SCAND3: variants seen among roughly 807,000 people sequenced by gnomAD.
SCAND3 encodes SCAN domain containing 3.
chr6:28,595,229 C>G, the SCAND3 span, among the ~76,000 whole-genome samples: 2 of 131,244 alleles, frequency 1.5e-5, no homozygotes, highest in Non-Finnish European at 3.1e-5. Context: ...AAAAAGCAGT[C>G]CCAGCCACTA....
At chr6:28,607,330 C>T in the SCAND3 span, among the ~76,000 whole-genome samples, 1 of 152,140 alleles carries the variant, frequency 6.6e-6, no homozygotes, top group Admixed American at 6.5e-5. Flanking sequence ...CAATTTTCTG[C>T]TTGTCTGTAC....
At chr6:28,589,000 G>T in the SCAND3 span, among the ~76,000 whole-genome samples, 2 of 152,184 alleles carry the variant, frequency 1.3e-5, no homozygotes, top group African/African-American at 2.4e-5. This position sits in a 1 kb window ranked among gnomAD's most constrained non-coding sequence, Gnocchi z 4.1. Context: ...AATTAGTTAA[G>T]ACAGCTTCCT....
chr6:28,613,386 C>T, the SCAND3 span, among the ~76,000 whole-genome samples: 1 of 152,166 alleles, frequency 6.6e-6, no homozygotes, highest in Non-Finnish European at 1.5e-5. Context: ...TTAAATACAT[C>T]AAGCACTTCT....
At chr6:28,611,625 C>T in the SCAND3 span, among the ~76,000 whole-genome samples, 2 of 152,250 alleles carry the variant, frequency 1.3e-5, no homozygotes, top group Non-Finnish European at 2.9e-5. Context: ...CCTCTACATA[C>T]TTCTTCCCCA....
At chr6:28,575,815 T>A in the SCAND3 span, 1 of 1,613,926 alleles carries the variant, frequency 6.2e-7, no homozygotes, top group Admixed American at 1.7e-5. The surrounding 1 kb of genome is among the most constrained non-coding windows in gnomAD (Gnocchi z 4.2). Context: ...ATACCGTATT[T>A]TATCTGTTTC....
chr6:28,572,062 A>G, the SCAND3 span: 7 of 1,614,048 alleles, frequency 4.3e-6, no homozygotes, highest in Non-Finnish European at 5.9e-6. This position sits in a 1 kb window ranked among gnomAD's most constrained non-coding sequence, Gnocchi z 4.1. Context: ...GGTCTCACAG[A>G]GGTATGTTGA....
the SCAND3 span, among the ~76,000 whole-genome samples, chr6:28,605,977 G>A: frequency 1.3e-5 from 2 of 152,078 alleles, no homozygotes; most frequent in East Asian, 3.9e-4. Context: ...TAAATGCAAC[G>A]CCTGACCCTA....
At chr6:28,574,610 C>A in the SCAND3 span, 1 of 1,564,630 alleles carries the variant, frequency 6.4e-7, no homozygotes, top group South Asian at 1.2e-5. Flanking sequence ...AGATTCTTCC[C>A]CTGCTTTCAT....
At chr6:28,582,094 C>T in the SCAND3 span, among the ~76,000 whole-genome samples, 1 of 152,152 alleles carries the variant, frequency 6.6e-6, no homozygotes. This position sits in a 1 kb window ranked among gnomAD's most constrained non-coding sequence, Gnocchi z 4.8. Context: ...GACCAAACAC[C>T]AAGTCCTACC....
the SCAND3 span, chr6:28,616,183 T>C: frequency 6.6e-6 from 1 of 152,306 alleles, no homozygotes; most frequent in African/African-American, 2.4e-5. The surrounding 1 kb of genome is among the most constrained non-coding windows in gnomAD (Gnocchi z 4.3). Flanking sequence ...ACCGTTCTAC[T>C]CGTCCTCATC....
chr6:28,602,294 T>C, the SCAND3 span, among the ~76,000 whole-genome samples: 1 of 152,054 alleles, frequency 6.6e-6, no homozygotes, highest in South Asian at 2.1e-4. Flanking sequence ...ACTGAAACCT[T>C]GGCCTCCCGG....
At chr6:28,573,244 G>A in the SCAND3 span, 1 of 1,614,052 alleles carries the variant, frequency 6.2e-7, no homozygotes, top group East Asian at 2.2e-5. Flanking sequence ...CATATCATTA[G>A]CCAGTTCCTG....
the SCAND3 span, among the ~76,000 whole-genome samples, chr6:28,612,132 C>T: frequency 2.0e-5 from 3 of 151,920 alleles, no homozygotes; most frequent in African/African-American, 7.2e-5. Context: ...TGCCTCCCAG[C>T]TTCAAGCGAT....
At chr6:28,573,402 C>T in the SCAND3 span, 29 of 1,613,886 alleles carry the variant, frequency 1.8e-5, no homozygotes, top group African/African-American at 5.3e-5. Context: ...ACTTGGCAAC[C>T]GGAAGTGCTA....
At chr6:28,579,345 T>G in the SCAND3 span, 1 of 1,614,042 alleles carries the variant, frequency 6.2e-7, no homozygotes, top group Non-Finnish European at 8.5e-7. This position sits in a 1 kb window ranked among gnomAD's most constrained non-coding sequence, Gnocchi z 4.5. Context: ...GCTGGGTGCC[T>G]AAAGACTCCT....
the SCAND3 span, chr6:28,572,196 A>G: frequency 6.2e-7 from 1 of 1,614,098 alleles, no homozygotes; most frequent in Admixed American, 1.7e-5. The surrounding 1 kb of genome is among the most constrained non-coding windows in gnomAD (Gnocchi z 4.1). Flanking sequence ...CTTCGTCGGT[A>G]GCCAGCTTCA....
At chr6:28,605,605 G>C in the SCAND3 span, among the ~76,000 whole-genome samples, 2 of 151,406 alleles carry the variant, frequency 1.3e-5, no homozygotes, top group Non-Finnish European at 3.0e-5. Flanking sequence ...AGGCTGAGGC[G>C]GGCGGATCAC....
chr6:28,608,118 C>T, the SCAND3 span, among the ~76,000 whole-genome samples: 3 of 152,172 alleles, frequency 2.0e-5, no homozygotes, highest in Non-Finnish European at 2.9e-5. Flanking sequence ...TGGACAGACT[C>T]CAAGTTAAGC....
chr6:28,586,192 C>T, the SCAND3 span: 6 of 877,008 alleles, frequency 6.8e-6, no homozygotes, highest in Non-Finnish European at 1.1e-5. This position sits in a 1 kb window ranked among gnomAD's most constrained non-coding sequence, Gnocchi z 4.4. Context: ...AGAAATAATG[C>T]CCCAAACCAG....
Sources: allele counts gnomAD v4.1 joint callset (sites outside exome capture counted in the v4.1 genomes callset), GRCh38; gene constraint gnomAD v4.1.1; non-coding constraint Gnocchi (gnomAD v3.1); transcripts MANE v1.5; gene names NCBI Gene and HGNC (gene_info 2026-07-23, HGNC 2026-07-21).